The following MAML3 variants were observed in gnomAD, a reference collection of about 807,000 sequenced individuals.
MAML3 encodes the protein mastermind-like protein 3.
Under a neutral mutation model 101.9 loss-of-function variants are expected in MAML3, and 27 were observed. The ratio of observed to expected loss-of-function variants is 0.27; its 90% CI spans 0.20 to 0.37. The LOEUF is 0.37. MAML3 is among the 10% of genes least tolerant of loss of function. The pLI, the probability that MAML3 is intolerant of heterozygous loss-of-function variation, is 1.00. For synonymous variants in MAML3, 501 were observed against 555.9 expected, an observed-to-expected ratio of 0.90 and a Z score of 1.39; for missense variants, 1,316 against 1,444.9, an observed-to-expected ratio of 0.91 and a Z score of 1.45.
intron 2 of MAML3, among the ~76,000 whole-genome samples, chr4:139,765,263 A>G (rs1046625433): frequency 5.3e-5 from 8 of 152,258 alleles, no homozygotes; most frequent in Admixed American, 2.6e-4. Context: ...ATGTATGCAC[A>G]TTGTCTAAAA....
intron 1 of MAML3, among the ~76,000 whole-genome samples, chr4:139,999,193 A>G (rs1369119791): frequency 1.3e-5 from 2 of 152,098 alleles, no homozygotes; most frequent in South Asian, 2.1e-4. Context: ...CACAACTGCA[A>G]CCTCAGGAAA....
chr4:139,925,306 T>C (rs1281510279), intron 1 of MAML3, among the ~76,000 whole-genome samples: 1 of 152,236 alleles, frequency 6.6e-6, no homozygotes, highest in African/African-American at 2.4e-5. Flanking sequence ...CTCATCTCAC[T>C]GCAACCTTTG....
intron 1 of MAML3, among the ~76,000 whole-genome samples, chr4:140,103,767 T>G (rs1488683350): frequency 6.6e-6 from 1 of 152,216 alleles, no homozygotes; most frequent in Non-Finnish European, 1.5e-5. Context: ...GCCCATGACC[T>G]GCTGCTTATT....
At chr4:139,871,451 C>G (rs1464563975) in intron 2 of MAML3, among the ~76,000 whole-genome samples, 1 of 152,172 alleles carries the variant, frequency 6.6e-6, no homozygotes, top group East Asian at 1.9e-4. Flanking sequence ...CCCACAGTCA[C>G]TTCCACAATC....
In MAML3 at chr4:139,843,964, G is replaced by A. The variant is rs139827454; in HGVS notation, c.2079+45393C>T. Among the ~76,000 whole-genome samples, 269 of 152,234 alleles carry A rather than the reference G, an allele frequency of 1.8e-3. 2 individuals are homozygous for A. The East Asian group carries it at 0.037, about 21-fold the overall frequency. ...CCATTTTCATCTTCTATTGCACTGCGCTGACATTTTTAAATTATAATGACT... is the reference window on the plus strand; with the variant it reads ...CCATTTTCATCTTCTATTGCACTGCACTGACATTTTTAAATTATAATGACT... On this transcript the variant is annotated intron_variant, in intron 2 of 4. Transcript: ENST00000509479.
intron 1 of MAML3, among the ~76,000 whole-genome samples, chr4:140,053,719 T>C (rs980984298): frequency 1.3e-5 from 2 of 152,232 alleles, no homozygotes; most frequent in African/African-American, 4.8e-5. Context: ...ATCGAGGCTC[T>C]AATGTAGGGA....
intron 2 of MAML3, among the ~76,000 whole-genome samples, chr4:139,848,122 A>C (rs1731480717): frequency 6.6e-6 from 1 of 152,220 alleles, no homozygotes; most frequent in Admixed American, 6.5e-5. Context: ...CAATTGACAA[A>C]AGAAGCCCCC....
chr4:140,065,205 G>A (rs887530700), intron 1 of MAML3, among the ~76,000 whole-genome samples: 4 of 151,736 alleles, frequency 2.6e-5, no homozygotes, highest in Admixed American at 6.6e-5. Flanking sequence ...GCCACTGTGT[G>A]AAGTTACATA....
chr4:139,889,575 C>T lies in MAML3; in HGVS notation c.1861G>A (p.Ala621Thr), dbSNP rs776920404. ...DLSQRMTPPV[A>T]NPNKNPLMPY... ...ATCAAGGGGTTTTTGTTGGGGTTGG[C>T]CACTGGTGGTGTCATCCTCTGACTC... Residue 621 changes from alanine to threonine, a missense_variant, in exon 2 of 5, where the codon GCC (alanine) becomes ACC (threonine). Transcript: ENST00000509479. 1.1e-5 allele frequency: 17 copies of T among 1,613,390 alleles called. No homozygotes were observed. The highest frequency in any genetic ancestry group is 1.7e-5 in the Admixed American group (1 of 59,944).
chr4:139,789,345 G>A (rs1013057355), intron 2 of MAML3, among the ~76,000 whole-genome samples: 19 of 152,190 alleles, frequency 1.2e-4, no homozygotes, highest in African/African-American at 4.6e-4. Context: ...GGGGTAGTCT[G>A]GACCTAAGAA....
chr4:139,763,758 T>G (rs1239305130), intron 2 of MAML3, among the ~76,000 whole-genome samples: 1 of 152,206 alleles, frequency 6.6e-6, no homozygotes, highest in Non-Finnish European at 1.5e-5. Context: ...TATCTCTGCA[T>G]GTTCAGAAAT....
rs938250667 is a variant in MAML3 at position 140,153,791 on chromosome 4, C to G, written c.-464G>C. 1 of 153,656 alleles carries G rather than the reference C, an allele frequency of 6.5e-6. No individual in the cohort carries two copies. Among genetic ancestry groups the G allele is most frequent in the Non-Finnish European group, 1.4e-5 (1 of 70,084 alleles). 9.5% of individuals were successfully genotyped at this position (153,656 alleles called of 1,614,324 possible). A position where few individuals can be genotyped will look rare whatever the true frequency, so the allele number is the denominator to read the frequency against. ...CACAAGCATATGCCTCCAGTGCGGA[C>G]ACGCGCGACACACACTCACTCCACA... is the stretch of plus-strand genomic sequence containing the variant. On this transcript the variant is annotated 5_prime_UTR_variant, in exon 1 of 5. Coordinates refer to ENST00000509479, the MANE Select transcript of MAML3 (RefSeq NM_018717.5).
At chr4:140,140,061 C>T (rs1281938627) in intron 1 of MAML3, among the ~76,000 whole-genome samples, 3 of 152,154 alleles carry the variant, frequency 2.0e-5, no homozygotes, top group African/African-American at 4.8e-5. Flanking sequence ...CGGTGGCTCA[C>T]GCCTATAATC....
rs80348976 is a variant in MAML3 at position 139,719,111 on chromosome 4, C to T, written c.*212G>A. ...TCTCTCGCAGCCGGGATCTGCATGG[C>T]GTCTCATCTCGATTGCTGTGTGAAA... On this transcript the variant is annotated 3_prime_UTR_variant, in exon 5 of 5. Coordinates refer to ENST00000509479, the MANE Select transcript of MAML3 (RefSeq NM_018717.5). 3.7e-4 allele frequency: 207 copies of T among 554,210 alleles called. 1 individual carries two copies. In the East Asian group the frequency reaches 5.8e-3, roughly 15 times the overall value. The allele number at this position is 554,210 out of a possible 1,614,324, so 34.3% of individuals were successfully genotyped here.
intron 1 of MAML3, among the ~76,000 whole-genome samples, chr4:139,981,279 C>T (rs530815396): frequency 6.6e-6 from 1 of 152,204 alleles, no homozygotes; most frequent in Admixed American, 6.5e-5. Context: ...GACATATTGG[C>T]TTAGCGCCCT....
At chr4:140,033,163 T>C (rs897277060) in intron 1 of MAML3, among the ~76,000 whole-genome samples, 4 of 152,228 alleles carry the variant, frequency 2.6e-5, no homozygotes, top group African/African-American at 9.6e-5. Flanking sequence ...AAGCACTTAT[T>C]GAACACATCC....
At chr4:139,927,382 G>T (rs1395788913) in intron 1 of MAML3, among the ~76,000 whole-genome samples, 4 of 152,158 alleles carry the variant, frequency 2.6e-5, no homozygotes, top group African/African-American at 7.2e-5. Flanking sequence ...GTTTATGCTG[G>T]TTTTTTCACT....
At chr4:139,815,806 C>T (rs1047187102) in intron 2 of MAML3, among the ~76,000 whole-genome samples, 7 of 152,270 alleles carry the variant, frequency 4.6e-5, no homozygotes, top group African/African-American at 7.2e-5. Flanking sequence ...GAAATCAGAT[C>T]CTGGCTCCCT....
chr4:139,906,157 C>T (rs1732819658), intron 1 of MAML3, among the ~76,000 whole-genome samples: 1 of 152,108 alleles, frequency 6.6e-6, no homozygotes, highest in East Asian at 1.9e-4. Context: ...CACTATGTTG[C>T]CCAGGTTGGC....
Sources: allele counts gnomAD v4.1 joint callset (sites outside exome capture counted in the v4.1 genomes callset), GRCh38; gene constraint gnomAD v4.1.1; transcripts MANE v1.5; gene names NCBI Gene and HGNC (gene_info 2026-07-23, HGNC 2026-07-21).